Variants in CCDC7 observed in about 807,000 individuals in gnomAD.
CCDC7 encodes coiled-coil domain containing 7.
CCDC7 carries 183 observed loss-of-function variants against 196.9 expected under a neutral mutation model. That is an observed-to-expected ratio of 0.93 (90% CI 0.82 to 1.05). The LOEUF (loss-of-function observed/expected upper bound fraction) is 1.05, where lower values mean the gene tolerates loss of function less well. CCDC7 is among the 50% of genes least tolerant of loss of function. The pLI is 0.00. For missense variants in CCDC7, 1,540 were observed against 1,482.2 expected, an observed-to-expected ratio of 1.04 and a Z score of -0.64; for synonymous variants, 525 against 484.6, an observed-to-expected ratio of 1.08 and a Z score of -1.10.
intron 33 of CCDC7, among the ~76,000 whole-genome samples, chr10:32,836,156 G>T (rs1248774049): frequency 1.3e-5 from 2 of 152,010 alleles, no homozygotes; most frequent in African/African-American, 2.4e-5. Context: ...GAGGCAGGGA[G>T]CTTAACAGAG....
At chr10:32,818,369 A>T (rs1231685288) in intron 31 of CCDC7, among the ~76,000 whole-genome samples, 1 of 151,480 alleles carries the variant, frequency 6.6e-6, no homozygotes, top group Admixed American at 6.6e-5. Context: ...AGAGACTTAG[A>T]CTCCCACACA....
chr10:32,677,911 G>A (rs1050279322), intron 21 of CCDC7, among the ~76,000 whole-genome samples: 8 of 151,280 alleles, frequency 5.3e-5, no homozygotes, highest in Non-Finnish European at 1.0e-4. Context: ...TTTTATTTTT[G>A]TTTCTCATAA....
chr10:32,692,343 C>A (rs2141275263), intron 23 of CCDC7, among the ~76,000 whole-genome samples: 1 of 152,344 alleles, frequency 6.6e-6, no homozygotes, highest in East Asian at 1.9e-4. Context: ...CACTGGATAT[C>A]TTGGTATGTG....
At chr10:32,748,260 T>C (rs1166084420) in intron 28 of CCDC7, among the ~76,000 whole-genome samples, 3 of 152,160 alleles carry the variant, frequency 2.0e-5, no homozygotes, top group Admixed American at 1.3e-4. Context: ...TCAGGTAATA[T>C]GCTGTCACTA....
At chr10:32,707,961 G>C (rs960129637) in intron 24 of CCDC7, among the ~76,000 whole-genome samples, 5 of 152,118 alleles carry the variant, frequency 3.3e-5, no homozygotes, top group Non-Finnish European at 5.9e-5. Context: ...CACAGAATTG[G>C]AAAAAACTAC....
rs151222620 is a variant in CCDC7 at position 32,619,944 on chromosome 10, A to G, written c.1802-14310A>G. Reference sequence around the variant, plus strand: ...TTTTTTTTTTTTTTTTTTTTTTGAGACAGAGTCTTGCCCTGTCACCCAGAC... The same window carrying G: ...TTTTTTTTTTTTTTTTTTTTTTGAGGCAGAGTCTTGCCCTGTCACCCAGAC... On this transcript the variant is annotated intron_variant, in intron 18 of 41. Coordinates refer to ENST00000639629, the Ensembl canonical transcript of CCDC7. 5.0e-4 allele frequency among the ~76,000 whole-genome samples: 37 copies of G among 73,270 alleles called. No homozygotes were observed. The East Asian group carries it at 0.02, about 39-fold the overall frequency. The allele number at this position is 73,270 out of a possible 152,430, so 48.1% of individuals were successfully genotyped here. A position where few individuals can be genotyped will look rare whatever the true frequency, so the allele number is the denominator to read the frequency against.
intron 21 of CCDC7, among the ~76,000 whole-genome samples, chr10:32,676,281 A>G (rs2074952917): frequency 6.6e-6 from 1 of 150,838 alleles, no homozygotes; most frequent in Admixed American, 6.6e-5. Context: ...AAGAAAACCT[A>G]GGCAATACCA....
chr10:32,831,214 C>T (rs2092124800), intron 32 of CCDC7, among the ~76,000 whole-genome samples: 1 of 152,054 alleles, frequency 6.6e-6, no homozygotes, highest in Non-Finnish European at 1.5e-5. Flanking sequence ...AGAAAAGATA[C>T]AGTAAAAATA....
chr10:32,580,830 T>C (rs78008620), intron 16 of CCDC7, among the ~76,000 whole-genome samples: 1 of 150,766 alleles, frequency 6.6e-6, no homozygotes, highest in Non-Finnish European at 1.5e-5. Context: ...TTAAGGAAAG[T>C]TCCGGAAAAA....
intron 11 of CCDC7, among the ~76,000 whole-genome samples, chr10:32,538,345 A>C (rs752786486): frequency 6.6e-6 from 1 of 152,192 alleles, no homozygotes; most frequent in Non-Finnish European, 1.5e-5. Context: ...TCGTACCCTG[A>C]AACTTTGCTG....
intron 29 of CCDC7, among the ~76,000 whole-genome samples, chr10:32,780,846 A>T (rs2080939019): frequency 6.6e-6 from 1 of 152,078 alleles, no homozygotes; most frequent in African/African-American, 2.4e-5. Flanking sequence ...TGCAGAATGA[A>T]TTTTTTTTAA....
intron 29 of CCDC7, among the ~76,000 whole-genome samples, chr10:32,788,087 A>C (rs2082135680): frequency 6.6e-6 from 1 of 152,156 alleles, no homozygotes. Flanking sequence ...CACTGCCTCA[A>C]CACTGAGCTT....
intron 31 of CCDC7, among the ~76,000 whole-genome samples, chr10:32,818,887 C>T (rs574238323): frequency 1.1e-4 from 16 of 152,180 alleles, no homozygotes; most frequent in Admixed American, 2.6e-4. Context: ...GACACCCTAA[C>T]GTCACAATTA....
At chr10:32,854,270 T>A (rs1475853782) in intron 40 of CCDC7, 130 bp from the exon 42 acceptor site, 6 of 598,202 alleles carry the variant, frequency 1.0e-5, no homozygotes, top group African/African-American at 1.9e-5. Context: ...GTAAGCTGCT[T>A]TATCTAAATT....
At chr10:32,566,881 A>ATG (rs1215423871) in intron 14 of CCDC7, among the ~76,000 whole-genome samples, 1 of 147,420 alleles carries the variant, frequency 6.8e-6, no homozygotes, top group African/African-American at 2.5e-5. Flanking sequence ...ATATATATAT[A>ATG]TAGCTAATAT....
At chr10:32,749,773 A>T (rs2075377139) in intron 28 of CCDC7, among the ~76,000 whole-genome samples, 1 of 152,174 alleles carries the variant, frequency 6.6e-6, no homozygotes, top group Non-Finnish European at 1.5e-5. Flanking sequence ...TTTACTTTTT[A>T]AACAGTGTTT....
intron 20 of CCDC7, among the ~76,000 whole-genome samples, chr10:32,636,378 CT>C (rs1243001534): frequency 6.6e-6 from 1 of 152,172 alleles, no homozygotes; most frequent in African/African-American, 2.4e-5. Flanking sequence ...ATCCCTCCCC[CT>C]ACCCCCACAC....
chr10:32,814,408 G>C, exon 31 of CCDC7: 3 of 1,612,512 alleles, frequency 1.9e-6, no homozygotes, highest in Non-Finnish European at 1.7e-6. Context: ...ATTTGGAAGA[G>C]ATATACTAAA....
chr10:32,669,351 C>G (rs895338275), intron 21 of CCDC7, among the ~76,000 whole-genome samples: 17 of 152,034 alleles, frequency 1.1e-4, no homozygotes, highest in African/African-American at 4.1e-4. Flanking sequence ...TTTGTCTTTT[C>G]TTGTAGTGTC....
Sources: gnomAD v4.1 joint callset for allele counts (sites outside exome capture counted in the v4.1 genomes callset) on GRCh38, gnomAD v4.1.1 for gene constraint, MANE v1.5 for transcripts, NCBI Gene and HGNC (gene_info 2026-07-23, HGNC 2026-07-21) for gene names.